SGCD: variants seen among roughly 807,000 people sequenced by gnomAD.
The protein encoded by SGCD is sarcoglycan delta, also known as delta-sarcoglycan.
Under a neutral mutation model 36.6 loss-of-function variants are expected in SGCD, and 18 were observed. The ratio of observed to expected loss-of-function variants is 0.49; its 90% CI spans 0.34 to 0.73. The LOEUF is 0.73. SGCD is among the 30% of genes least tolerant of loss of function. The pLI, the probability that SGCD is intolerant of heterozygous loss-of-function variation, is 0.01. For missense variants in SGCD, 387 were observed against 346.7 expected, an observed-to-expected ratio of 1.12 and a Z score of -0.92; for synonymous variants, 133 against 130.6, an observed-to-expected ratio of 1.02 and a Z score of -0.12.
In SGCD at chr5:155,955,036, T is replaced by C. The variant is rs141751370; in HGVS notation, c.-282+84612T>C. On this transcript the variant is annotated intron_variant, in intron 1 of 9. Transcript: ENST00000517913. ...TGCTCAAGCTGCCAGGAAGGAGGCGTTCCATCCTACTTGCAGGAGGGTCAG... is the reference window on the plus strand; with the variant it reads ...TGCTCAAGCTGCCAGGAAGGAGGCGCTCCATCCTACTTGCAGGAGGGTCAG... 1.6e-3 allele frequency among the ~76,000 whole-genome samples: 251 copies of C among 152,252 alleles called. 1 individual carries two copies. The highest frequency in any genetic ancestry group is 2.8e-3 in the Non-Finnish European group (191 of 68,004).
At chr5:156,505,168 GCCGTGTTTC>G (rs1386844790) in intron 3 of SGCD, among the ~76,000 whole-genome samples, 1 of 152,208 alleles carries the variant, frequency 6.6e-6, no homozygotes, top group Non-Finnish European at 1.5e-5. Context: ...CATCCGCATT[GCCGTGTTTC>G]CCTTTGTTGC....
At position 156,764,740 on chromosome 5, in the gene SGCD, G is replaced by A. The variant is rs949245066; in HGVS notation, c.*5350G>A. On this transcript the variant is annotated 3_prime_UTR_variant, in exon 9 of 9. Transcript: ENST00000337851. ...AAGAGCAAGAATGTCATGAGCCCTT[G>A]ATGCAATAGTAAGTGTGATGTCATC... The A allele has an allele frequency of 1.3e-5, 2 of 152,186 alleles. No individual in the cohort carries two copies. The highest frequency in any genetic ancestry group is 4.8e-5 in the African/African-American group (2 of 41,438). 9.4% of individuals were successfully genotyped at this position (152,186 alleles called of 1,614,324 possible).
At chr5:156,059,638 C>G (rs1760153604) in intron 1 of SGCD, among the ~76,000 whole-genome samples, 1 of 146,322 alleles carries the variant, frequency 6.8e-6, no homozygotes, top group Admixed American at 6.8e-5. Context: ...TGCTCTGTGA[C>G]TTAGCTGCTA....
chr5:156,533,438 T>C (rs1172906616), intron 4 of SGCD, among the ~76,000 whole-genome samples: 1 of 152,216 alleles, frequency 6.6e-6, no homozygotes, highest in Non-Finnish European at 1.5e-5. Context: ...ATATGCTCTA[T>C]AGATATGTTT....
chr5:156,403,366 G>A (rs1270348089), intron 3 of SGCD, among the ~76,000 whole-genome samples: 2 of 152,198 alleles, frequency 1.3e-5, no homozygotes, highest in Non-Finnish European at 2.9e-5. Context: ...GGTCTATTAA[G>A]GTTGAGCAAA....
chr5:156,156,091 T>G (rs1478306883), intron 3 of SGCD, among the ~76,000 whole-genome samples: 1 of 151,696 alleles, frequency 6.6e-6, no homozygotes, highest in Non-Finnish European at 1.5e-5. Context: ...CCACTTACTT[T>G]TAGCTATTCT....
At chr5:156,309,387 T>A (rs1288060428) in intron 3 of SGCD, among the ~76,000 whole-genome samples, 1 of 152,064 alleles carries the variant, frequency 6.6e-6, no homozygotes, top group African/African-American at 2.4e-5. Flanking sequence ...AGTCTATTGC[T>A]ATATTTTCTT....
intron 1 of SGCD, among the ~76,000 whole-genome samples, chr5:156,101,613 A>G (rs1337892851): frequency 6.6e-6 from 1 of 152,132 alleles, no homozygotes; most frequent in Non-Finnish European, 1.5e-5. Flanking sequence ...GAAGGCTACT[A>G]TTGTGCCATT....
chr5:156,439,001 A>G (rs1753371070), intron 3 of SGCD, among the ~76,000 whole-genome samples: 2 of 152,148 alleles, frequency 1.3e-5, no homozygotes, highest in African/African-American at 4.8e-5. Flanking sequence ...AAATTGCTCA[A>G]AATCAGAGCA....
At chr5:156,719,623 G>A (rs2113775791) in intron 7 of SGCD, among the ~76,000 whole-genome samples, 1 of 152,158 alleles carries the variant, frequency 6.6e-6, no homozygotes, top group East Asian at 1.9e-4. Flanking sequence ...CATAGTCTGT[G>A]GTGGATGGTG....
chr5:155,947,182 T>G (rs898737459), intron 1 of SGCD, among the ~76,000 whole-genome samples: 1 of 152,226 alleles, frequency 6.6e-6, no homozygotes, highest in African/African-American at 2.4e-5. Context: ...TTATTTGTAT[T>G]TTTTTCACTT....
intron 6 of SGCD, among the ~76,000 whole-genome samples, chr5:156,609,198 A>G (rs1354818205): frequency 4.0e-5 from 6 of 151,818 alleles, no homozygotes; most frequent in Non-Finnish European, 8.8e-5. Flanking sequence ...GTTCCTTTCC[A>G]TGTTGAGTGC....
At chr5:156,488,478 G>A (rs1349324238) in intron 3 of SGCD, among the ~76,000 whole-genome samples, 3 of 151,948 alleles carry the variant, frequency 2.0e-5, no homozygotes, top group Admixed American at 6.6e-5. Flanking sequence ...AATCTTACAG[G>A]CCAGGAGAGA....
intron 3 of SGCD, among the ~76,000 whole-genome samples, chr5:156,134,938 T>G (rs1315381281): frequency 1.3e-5 from 2 of 152,160 alleles, no homozygotes; most frequent in Admixed American, 1.3e-4. Context: ...TCCATTGCAT[T>G]TTTTGCAAAC....
At chr5:155,888,936 A>G (rs757919298) in intron 1 of SGCD, among the ~76,000 whole-genome samples, 1 of 151,822 alleles carries the variant, frequency 6.6e-6, no homozygotes, top group Non-Finnish European at 1.5e-5. Flanking sequence ...ATTGGCCTCC[A>G]CTCTCCTCAT....
rs6891087 is a variant in SGCD at position 156,473,483 on chromosome 5, A to G, written c.193-35118A>G. Among the ~76,000 whole-genome samples, 1,055 of 152,360 alleles carry G rather than the reference A, an allele frequency of 6.9e-3. 16 individuals are homozygous for G. The highest frequency in any genetic ancestry group is 0.024 in the African/African-American group (1,001 of 41,582). ...CTCAGAATGGCACACAATTTACAAC[A>G]TATGAATTGTTTACTTCTGTTATTT... is the stretch of plus-strand genomic sequence containing the variant. On this transcript the variant is annotated intron_variant, in intron 3 of 8. Coordinates refer to ENST00000337851, the MANE Select transcript of SGCD (RefSeq NM_000337.6).
chr5:156,572,889 C>T (rs557018387), intron 4 of SGCD, among the ~76,000 whole-genome samples: 6 of 152,150 alleles, frequency 3.9e-5, no homozygotes, highest in Non-Finnish European at 5.9e-5. Context: ...GGATTAGTGA[C>T]GACTACAAAA....
the SGCD span, among the ~76,000 whole-genome samples, chr5:155,800,850 AT>A: frequency 6.6e-6 from 1 of 151,152 alleles, no homozygotes; most frequent in Admixed American, 6.6e-5. Flanking sequence ...TGATTTCCAT[AT>A]TTTTTTCTTT....
At chr5:155,817,810 T>C in the SGCD span, among the ~76,000 whole-genome samples, 1 of 152,184 alleles carries the variant, frequency 6.6e-6, no homozygotes, top group Non-Finnish European at 1.5e-5. Context: ...GGGTCCACTT[T>C]CTTAGGCTCT....
Sources: allele counts gnomAD v4.1 joint callset (sites outside exome capture counted in the v4.1 genomes callset), GRCh38; gene constraint gnomAD v4.1.1; transcripts MANE v1.5; gene names NCBI Gene and HGNC (gene_info 2026-07-23, HGNC 2026-07-21).